Variants in SOS1 observed in about 807,000 individuals in gnomAD.
SOS1 encodes son of sevenless homolog 1.
A neutral mutation model predicts 157.6 loss-of-function variants in SOS1; 25 were observed. The observed-to-expected ratio is 0.16, with a 90% CI of 0.12 to 0.22. The LOEUF is 0.22. SOS1 is among the 10% of genes least tolerant of loss of function. The pLI is 1.00. For missense variants in SOS1, 1,237 were observed against 1,599.1 expected, an observed-to-expected ratio of 0.77 and a Z score of 3.86; for synonymous variants, 528 against 534.0, an observed-to-expected ratio of 0.99 and a Z score of 0.16.
At chr2:39,085,737 G>A (rs1313142894) in intron 1 of SOS1, among the ~76,000 whole-genome samples, 2 of 152,148 alleles carry the variant, frequency 1.3e-5, no homozygotes, top group Non-Finnish European at 2.9e-5. Flanking sequence ...AATGTCATCT[G>A]TGAATTCCAC....
intron 1 of SOS1, among the ~76,000 whole-genome samples, chr2:39,074,860 T>C (rs1671913988): frequency 7.2e-6 from 1 of 139,306 alleles, no homozygotes; most frequent in South Asian, 2.2e-4. Flanking sequence ...AGAGCAAAAG[T>C]CTGCCTCAAC....
At chr2:39,118,739 G>T (rs962775176) in intron 1 of SOS1, among the ~76,000 whole-genome samples, 1 of 152,166 alleles carries the variant, frequency 6.6e-6, no homozygotes, top group Non-Finnish European at 1.5e-5. Flanking sequence ...CAGGTTTTAT[G>T]TAATATCTCC....
In SOS1 at chr2:39,055,329, GCAT is replaced by G. The variant is rs746792885; in HGVS notation, c.511-509_511-507del. On this transcript the variant is annotated intron_variant, in intron 4 of 22. Transcript: ENST00000402219. ...TTTCCCCTTCTTGAGAACTTCTACA[GCAT>G]CATATCTCTATAACACAATAAAATA... Among the ~76,000 whole-genome samples the G allele has an allele frequency of 2.0e-5, 3 of 152,136 alleles. No individual in the cohort carries two copies. In the East Asian group the frequency reaches 5.8e-4, roughly 29 times the overall value.
chr2:39,014,277 G>A (rs1484545705), intron 11 of SOS1, among the ~76,000 whole-genome samples: 3 of 151,946 alleles, frequency 2.0e-5, no homozygotes, highest in Non-Finnish European at 4.4e-5. Context: ...ATAAAGTTAC[G>A]GGACTGATAT....
At chr2:38,996,355 G>A (rs1013128572) in intron 19 of SOS1, among the ~76,000 whole-genome samples, 2 of 152,206 alleles carry the variant, frequency 1.3e-5, no homozygotes, top group African/African-American at 2.4e-5. Context: ...TTCCCAAAGT[G>A]TTGGGATTAC....
chr2:39,048,693 GACCCA>G (rs1238566473), intron 6 of SOS1, among the ~76,000 whole-genome samples: 2 of 151,524 alleles, frequency 1.3e-5, no homozygotes, highest in African/African-American at 2.4e-5. Context: ...TCAGCCACTG[GACCCA>G]ACCCAAGATT....
chr2:39,084,767 T>C (rs997308382), intron 1 of SOS1, among the ~76,000 whole-genome samples: 2 of 152,212 alleles, frequency 1.3e-5, no homozygotes, highest in African/African-American at 2.4e-5. Context: ...TAAATTCATA[T>C]CATTTTTCAT....
intron 1 of SOS1, among the ~76,000 whole-genome samples, chr2:39,117,818 T>A (rs62142829): frequency 1.1e-3 from 166 of 152,324 alleles, no homozygotes; most frequent in Non-Finnish European, 1.5e-3. Flanking sequence ...AGGCTCTACC[T>A]GAGTGTGCAC....
upstream of SOS1, among the ~76,000 whole-genome samples, chr2:39,121,418 G>C (rs1673891391): frequency 6.6e-6 from 1 of 152,200 alleles, no homozygotes; most frequent in Non-Finnish European, 1.5e-5. Flanking sequence ...AAACAGACTG[G>C]ACAAAAGACA....
intron 1 of SOS1, among the ~76,000 whole-genome samples, chr2:39,080,725 T>C (rs1672171088): frequency 6.6e-6 from 1 of 151,932 alleles, no homozygotes; most frequent in Non-Finnish European, 1.5e-5. Context: ...TTTAGGCATA[T>C]GAGATTTTAC....
chr2:39,028,554 T>C (rs559961729), intron 8 of SOS1, among the ~76,000 whole-genome samples: 2 of 152,214 alleles, frequency 1.3e-5, no homozygotes, highest in African/African-American at 4.8e-5. Flanking sequence ...TACCATTTAC[T>C]TGAAGGCACT....
chr2:39,087,730 G>A (rs1672430038), intron 1 of SOS1, among the ~76,000 whole-genome samples: 1 of 152,134 alleles, frequency 6.6e-6, no homozygotes, highest in Non-Finnish European at 1.5e-5. Flanking sequence ...GTGCAGTGGT[G>A]CAATCTTGGT....
At chr2:39,101,660 C>T (rs1242203139) in intron 1 of SOS1, among the ~76,000 whole-genome samples, 2 of 151,320 alleles carry the variant, frequency 1.3e-5, no homozygotes, top group African/African-American at 4.9e-5. Flanking sequence ...TAAAAAAAAA[C>T]AGAAAACAAA....
chr2:39,123,053 C>T (rs934126396), upstream of SOS1, among the ~76,000 whole-genome samples: 3 of 152,160 alleles, frequency 2.0e-5, no homozygotes, highest in African/African-American at 7.2e-5. Flanking sequence ...TTCACAACCT[C>T]GCCTCACCAC....
At chr2:39,114,084 T>G (rs1673548973) in intron 1 of SOS1, among the ~76,000 whole-genome samples, 1 of 151,978 alleles carries the variant, frequency 6.6e-6, no homozygotes, top group Admixed American at 6.6e-5. Context: ...ACTCTTTCTT[T>G]TCTTTCTATT....
At chr2:39,107,802 C>A (rs1236007127) in intron 1 of SOS1, among the ~76,000 whole-genome samples, 15 of 151,928 alleles carry the variant, frequency 9.9e-5, no homozygotes, top group Admixed American at 9.8e-4. Flanking sequence ...TGAAGAGATT[C>A]ACTCTACTCA....
rs749836371 is a variant in SOS1, at chr2:38,996,940, A to G, written c.3063T>C (p.Pro1021=). ...NKSLEIEPRN[P]KPLPRFPKKY... ...TGCTTACAAATCTTGGGAGAGGCTT[A>G]GGGTTTCGTGGTTCTATTTCTAGGG... is the stretch of plus-strand genomic sequence containing the variant. The change falls in exon 19 of 23, where the codon CCT becomes CCC. Residue 1021 remains proline, a synonymous_variant. Transcript: ENST00000402219. 3 of 1,554,860 alleles carry G rather than the reference A, an allele frequency of 1.9e-6. No individual in the cohort carries two copies. Among genetic ancestry groups the G allele is most frequent in the Non-Finnish European group, 2.7e-6 (3 of 1,126,178 alleles).
In SOS1 at chr2:39,078,115, C is replaced by T. The variant is rs553878140; in HGVS notation, c.88-10362G>A. ...TTCTAAAATGGGCAAAAGTCATGTACAGACATTTCATGGAAGGGGAAACAC... is the reference window on the plus strand; with the variant it reads ...TTCTAAAATGGGCAAAAGTCATGTATAGACATTTCATGGAAGGGGAAACAC... On this transcript the variant is annotated intron_variant, in intron 1 of 22. Coordinates refer to ENST00000402219, the MANE Select transcript of SOS1 (RefSeq NM_005633.4). Among the ~76,000 whole-genome samples the T allele has an allele frequency of 3.3e-5, 5 of 152,200 alleles. No individual in the cohort carries two copies. The South Asian group carries it at 1.0e-3, about 31-fold the overall frequency.
At chr2:39,100,849 G>A (rs532031248) in intron 1 of SOS1, among the ~76,000 whole-genome samples, 5 of 152,146 alleles carry the variant, frequency 3.3e-5, no homozygotes, top group Non-Finnish European at 7.4e-5. Context: ...AGCCCAGGAG[G>A]GGGAGGTTGC....
Sources: allele counts gnomAD v4.1 joint callset (sites outside exome capture counted in the v4.1 genomes callset), GRCh38; gene constraint gnomAD v4.1.1; transcripts MANE v1.5; gene names NCBI Gene and HGNC (gene_info 2026-07-23, HGNC 2026-07-21).